Variants in GC observed in about 807,000 individuals in gnomAD.
GC encodes the protein GC vitamin D binding protein, also known as vitamin D-binding protein.
Under a neutral mutation model 56.7 loss-of-function variants are expected in GC, and 43 were observed. That is an observed-to-expected ratio of 0.76 (90% CI 0.59 to 0.98). GC has a LOEUF of 0.98. Ranked by LOEUF, GC falls within the 50% of genes least tolerant of loss-of-function variation. The pLI is 0.00. For missense variants in GC, 529 were observed against 545.9 expected (o/e 0.97, Z 0.31); for synonymous variants, 216 against 202.7 (o/e 1.07, Z -0.56).
In GC at chr4:71,756,884, T is replaced by C. The variant is rs41265647; in HGVS notation, c.862A>G (p.Asn288Asp). 3,033 of 1,613,318 alleles carry C rather than the reference T, an allele frequency of 1.9e-3. 8 individuals are homozygous for C. The highest frequency in any genetic ancestry group is 2.7e-3 in the South Asian group (244 of 91,056). ...LPEHTVKLCD[N>D]LSTKNSKFED... ...AACTTAGAATTCTTTGTGGATAAAT[T>C]GTCACAGAGTTTTACTGTGTGTTCA... Residue 288 changes from asparagine (N) to aspartate (D), a missense_variant, in exon 8 of 13, where the codon AAT becomes GAT. Physicochemically the swap from Asn to Asp is conservative, Grantham distance 23 (BLOSUM62 1). Coordinates refer to ENST00000273951, the MANE Select transcript of GC (RefSeq NM_000583.4).
chr4:71,742,114 G>T (rs1741202963), intron 12 of GC, among the ~76,000 whole-genome samples: 1 of 152,146 alleles, frequency 6.6e-6, no homozygotes, highest in Non-Finnish European at 1.5e-5. Context: ...AGGGTACATT[G>T]TACATTGTGC....
intron 1 of GC, among the ~76,000 whole-genome samples, chr4:71,800,030 C>A (rs1383103299): frequency 2.0e-5 from 3 of 151,250 alleles, no homozygotes; most frequent in Non-Finnish European, 4.4e-5. Context: ...ACAATCAACA[C>A]ACAATTCATG....
chr4:71,751,318 C>A (rs1020339135), intron 11 of GC, among the ~76,000 whole-genome samples: 1 of 152,176 alleles, frequency 6.6e-6, no homozygotes, highest in Non-Finnish European at 1.5e-5. Flanking sequence ...AATGGGCCCA[C>A]ACAACCTACC....
intron 4 of GC, 33 bp from the exon 5 acceptor site, chr4:71,763,969 T>A: frequency 6.4e-7 from 1 of 1,570,402 alleles, no homozygotes; most frequent in East Asian, 2.2e-5. Flanking sequence ...GGTCAAAAAA[T>A]TTGTGAATAA....
At chr4:71,769,747 C>A (rs1742286742) in intron 1 of GC, 1 of 168,490 alleles carries the variant, frequency 5.9e-6, no homozygotes, top group Non-Finnish European at 1.3e-5. Flanking sequence ...GAGAATTTTT[C>A]TCCTTCCCTC....
chr4:71,791,833 A>T (rs922976912), intron 1 of GC, among the ~76,000 whole-genome samples: 1 of 152,070 alleles, frequency 6.6e-6, no homozygotes, highest in African/African-American at 2.4e-5. Flanking sequence ...ACTCCCTGAC[A>T]GGCCCCTGTG....
intron 1 of GC, among the ~76,000 whole-genome samples, chr4:71,793,961 T>C (rs1743031982): frequency 1.3e-5 from 2 of 152,250 alleles, no homozygotes; most frequent in East Asian, 1.9e-4. Flanking sequence ...ATTACGTTTA[T>C]TGATTTGCTT....
At chr4:71,780,598 G>C (rs1742641685) in intron 1 of GC, among the ~76,000 whole-genome samples, 1 of 152,082 alleles carries the variant, frequency 6.6e-6, no homozygotes, top group Non-Finnish European at 1.5e-5. Flanking sequence ...CTTCTCAAAA[G>C]AAGACATTTA....
intron 11 of GC, among the ~76,000 whole-genome samples, chr4:71,749,386 C>T (rs542498606): frequency 4.3e-4 from 65 of 152,224 alleles, no homozygotes; most frequent in African/African-American, 1.5e-3. Context: ...CATGAATTTG[C>T]GCTTAAAGCT....
chr4:71,767,275 C>T (rs562610065), intron 3 of GC, among the ~76,000 whole-genome samples: 1 of 152,198 alleles, frequency 6.6e-6, no homozygotes, highest in South Asian at 2.1e-4. Context: ...TCTGTAAAAG[C>T]CTTTATCAAA....
chr4:71,754,278 A>C lies in GC; in HGVS notation c.1262+133T>G, dbSNP rs190972001. On this transcript the variant is annotated intron_variant, in intron 10 of 12. Coordinates refer to ENST00000273951, the MANE Select transcript of GC (RefSeq NM_000583.4). ...CTATGAGATTCTGACTACTTTAAAA[A>C]ACTCCTAATTGAACCTCCTTTTGTT... 2,317 of 593,342 alleles carry C rather than the reference A, an allele frequency of 3.9e-3. 7 individuals carry two copies. The highest frequency in any genetic ancestry group is 5.1e-3 in the Admixed American group (165 of 32,482). 36.8% of individuals were successfully genotyped at this position (593,342 alleles called of 1,614,324 possible).
At chr4:71,768,035 A>T (rs1742213211) in intron 3 of GC, among the ~76,000 whole-genome samples, 2 of 151,886 alleles carry the variant, frequency 1.3e-5, no homozygotes, top group African/African-American at 4.8e-5. Context: ...ATATTTTATA[A>T]CTCCTTCTTG....
chr4:71,748,945 G>A (rs1484973077), intron 11 of GC, among the ~76,000 whole-genome samples: 5 of 152,058 alleles, frequency 3.3e-5, no homozygotes, highest in African/African-American at 4.8e-5. Context: ...TGTATGACAA[G>A]GAGATCTCAC....
chr4:71,763,445 G>A lies in GC; in HGVS notation c.664C>T (p.Gln222Ter). 6.2e-7 allele frequency: 1 copy of A among 1,606,136 alleles called. No homozygotes were observed. Among genetic ancestry groups the A allele is most frequent in the Non-Finnish European group, 8.5e-7 (1 of 1,173,108 alleles). Residue 222 changes from glutamine to a stop codon, truncating the protein, a stop_gained, in exon 6 of 13, where the codon CAA (glutamine) becomes TAA (stop). Coordinates refer to ENST00000273951, the MANE Select transcript of GC (RefSeq NM_000583.4). LOFTEE classifies it high-confidence loss of function. ...TTCTTCTCCCCATAAGCAGCATATT[G>A]TGAGCAGACTCTATTTGACAGAGTG... ...LTTLSNRVCSQYAAYGEKKSR... is the reference protein window; with the variant it reads ...LTTLSNRVCS
intron 6 of GC, among the ~76,000 whole-genome samples, chr4:71,761,967 A>T (rs188812): frequency 0.12 from 17,847 of 152,084 alleles, 1,231 homozygotes; most frequent in African/African-American, 0.18. Context: ...TGGGTGTGGA[A>T]CCTCCAAATA....
Position 71,752,980 on chromosome 4 carries a change from A to G in GC, c.1263-330T>C, listed in dbSNP as rs573309124. Among the ~76,000 whole-genome samples the G allele has an allele frequency of 5.9e-5, 9 of 152,242 alleles. No homozygotes were observed. In the East Asian group the frequency reaches 9.7e-4, roughly 16 times the overall value. On this transcript the variant is annotated intron_variant, in intron 10 of 12. Coordinates refer to ENST00000273951, the MANE Select transcript of GC (RefSeq NM_000583.4). Reference sequence around the variant, plus strand: ...ACCTTCTCTTCAGTTTTAAATTTCAAATTCCTTAAAGAATATTTCCTTTAC... The same window carrying G: ...ACCTTCTCTTCAGTTTTAAATTTCAGATTCCTTAAAGAATATTTCCTTTAC...
At chr4:71,757,958 T>C in intron 7 of GC, 84 bp downstream of exon 7, 1 of 1,110,362 alleles carries the variant, frequency 9.0e-7, no homozygotes, top group Non-Finnish European at 1.3e-6. Context: ...GCATATGAAA[T>C]AGAACTTAGA....
At chr4:71,757,905 A>G (rs1443390698) in intron 7 of GC, 137 bp downstream of exon 7, 4 of 648,778 alleles carry the variant, frequency 6.2e-6, no homozygotes, top group Non-Finnish European at 1.0e-5. Flanking sequence ...GTTAATAATT[A>G]TTTATATTTC....
chr4:71,804,261 T>G (rs536626471), upstream of GC, among the ~76,000 whole-genome samples: 1 of 152,270 alleles, frequency 6.6e-6, no homozygotes, highest in East Asian at 1.9e-4. Flanking sequence ...TAATCAAATG[T>G]GTGAACAGCT....
Sources: gnomAD v4.1 joint callset for allele counts (sites outside exome capture counted in the v4.1 genomes callset) on GRCh38, gnomAD v4.1.1 for gene constraint, MANE v1.5 for transcripts, NCBI Gene and HGNC (gene_info 2026-07-23, HGNC 2026-07-21) for gene names.